TMEM232: variants seen among roughly 807,000 people sequenced by gnomAD.
TMEM232 encodes transmembrane protein 232.
In TMEM232, 80 loss-of-function variants were observed where a neutral mutation model predicts 78.8. The ratio of observed to expected loss-of-function variants is 1.01; its 90% CI spans 0.85 to 1.22. TMEM232 has a LOEUF of 1.22. Among genes scored for constraint, TMEM232 ranks in the 50% most tolerant of loss-of-function variants. The probability of loss-of-function intolerance (pLI) is 0.00; values close to 1 mark genes in which losing one functional copy is unlikely to be tolerated. For missense variants in TMEM232, 881 were observed against 742.2 expected (o/e 1.19, Z -2.17); for synonymous variants, 297 against 254.3 (o/e 1.17, Z -1.60).
downstream of TMEM232, among the ~76,000 whole-genome samples, chr5:110,415,937 C>G (rs564737038): frequency 5.3e-5 from 8 of 152,026 alleles, no homozygotes; most frequent in South Asian, 1.7e-3. Flanking sequence ...CAGGGATCTT[C>G]CAACTAAAAA....
intron 12 of TMEM232, among the ~76,000 whole-genome samples, chr5:110,464,364 A>AAGAC (rs993789845): frequency 6.6e-6 from 1 of 152,204 alleles, no homozygotes; most frequent in Non-Finnish European, 1.5e-5. Flanking sequence ...TCAATGAATG[A>AAGAC]AGACACTGGG....
rs1332112071 is a variant in TMEM232, at chr5:110,495,709, C to T, written c.1703+32879G>A. 2.6e-5 allele frequency among the ~76,000 whole-genome samples: 4 copies of T among 151,732 alleles called. No individual in the cohort carries two copies. The East Asian group carries it at 5.8e-4, about 22-fold the overall frequency. ...ATTTTCTTTGACTCCAGGAAATAAA[C>T]ACAGACATTGCTGAGATACTATGAA... is the stretch of plus-strand genomic sequence containing the variant. On this transcript the variant is annotated intron_variant, in intron 12 of 13. Coordinates refer to ENST00000455884, the MANE Select transcript of TMEM232 (RefSeq NM_001039763.4).
chr5:110,489,985 G>A (rs1450868246), intron 12 of TMEM232, among the ~76,000 whole-genome samples: 2 of 151,854 alleles, frequency 1.3e-5, no homozygotes, highest in Admixed American at 1.3e-4. Context: ...TTAGCTGGGT[G>A]TGGTGGCGCG....
At chr5:110,556,201 C>T (rs963430176) in intron 11 of TMEM232, among the ~76,000 whole-genome samples, 1 of 152,004 alleles carries the variant, frequency 6.6e-6, no homozygotes, top group Non-Finnish European at 1.5e-5. Flanking sequence ...CCTTAGTATT[C>T]GCTTGTTTGA....
At chr5:110,475,249 T>A (rs955814455) in intron 12 of TMEM232, among the ~76,000 whole-genome samples, 3 of 151,538 alleles carry the variant, frequency 2.0e-5, no homozygotes, top group Non-Finnish European at 2.9e-5. Flanking sequence ...AAAGCCTGTA[T>A]TTTTTTTCTG....
At position 110,528,795 on chromosome 5, in the gene TMEM232, C is replaced by A; in HGVS notation, c.1496G>T (p.Ser499Ile). Residue 499 changes from serine (S) to isoleucine (I), a missense_variant, in exon 12 of 14, where the codon AGT (serine) becomes ATT (isoleucine). Coordinates refer to ENST00000455884, the MANE Select transcript of TMEM232 (RefSeq NM_001039763.4). The part of the protein sequence containing the change: ...NDPTDPFTRY[S>I]TNISSNVGEE... ...TCCTACATTTGATGAAATATTTGTACTATATCTAGTGAAAGGATCAGTTGG... is the reference window on the plus strand; with the variant it reads ...TCCTACATTTGATGAAATATTTGTAATATATCTAGTGAAAGGATCAGTTGG... 2 of 1,526,894 alleles carry A rather than the reference C, an allele frequency of 1.3e-6. No individual in the cohort carries two copies. The highest frequency in any genetic ancestry group is 8.8e-7 in the Non-Finnish European group (1 of 1,142,506). 94.6% of individuals were successfully genotyped at this position (1,526,894 alleles called of 1,614,324 possible). A position where few individuals can be genotyped will look rare whatever the true frequency, so the allele number is the denominator to read the frequency against.
chr5:110,541,515 AG>A (rs1250046962), intron 11 of TMEM232, among the ~76,000 whole-genome samples: 3 of 152,122 alleles, frequency 2.0e-5, no homozygotes, highest in Admixed American at 2.0e-4. Flanking sequence ...AAAGTGATAA[AG>A]GCATGTCCTT....
intron 11 of TMEM232, among the ~76,000 whole-genome samples, chr5:110,566,949 A>G (rs1450658651): frequency 6.6e-6 from 1 of 151,956 alleles, no homozygotes; most frequent in Non-Finnish European, 1.5e-5. Flanking sequence ...AGGCCACAAA[A>G]TCATGGTGGA....
chr5:110,705,763 C>CGT (rs139138961), intron 1 of TMEM232, among the ~76,000 whole-genome samples: 9,316 of 125,388 alleles, frequency 0.074, 944 homozygotes, highest in African/African-American at 0.24. Flanking sequence ...TATGTGTGTG[C>CGT]GTGTGTGTGT....
chr5:110,492,899 T>C (rs1765265107), intron 12 of TMEM232, among the ~76,000 whole-genome samples: 1 of 152,012 alleles, frequency 6.6e-6, no homozygotes, highest in South Asian at 2.1e-4. Flanking sequence ...TGATATAATG[T>C]CAGGGATTTA....
At chr5:110,696,500 A>G (rs1415651465) in intron 1 of TMEM232, among the ~76,000 whole-genome samples, 1 of 152,200 alleles carries the variant, frequency 6.6e-6, no homozygotes, top group Non-Finnish European at 1.5e-5. Flanking sequence ...TTAGGAAAAA[A>G]GGAAGTCAAA....
intron 2 of TMEM232, among the ~76,000 whole-genome samples, chr5:110,413,720 C>T (rs755075161): frequency 6.6e-6 from 1 of 152,170 alleles, no homozygotes; most frequent in Non-Finnish European, 1.5e-5. Flanking sequence ...TATGTAACTC[C>T]TCAAATCTCA....
chr5:110,652,289 C>CGT lies in TMEM232; in HGVS notation c.126-9919_126-9918insAC, dbSNP rs1256712711. On this transcript the variant is annotated intron_variant, in intron 2 of 13. Transcript: ENST00000455884. ...ACCCCCAAGCACACAAAAGTGCACG[C>CGT]GCGCGCACACACACACACACACACA... Among the ~76,000 whole-genome samples, 36 of 135,150 alleles carry CGT rather than the reference C, an allele frequency of 2.7e-4. 1 individual carries two copies. Among genetic ancestry groups the CGT allele is most frequent in the Non-Finnish European group, 3.4e-4 (22 of 64,772 alleles). 88.7% of individuals were successfully genotyped at this position (135,150 alleles called of 152,430 possible). A position where few individuals can be genotyped will look rare whatever the true frequency, so the allele number is the denominator to read the frequency against.
chr5:110,613,145 C>T (rs1028512517), intron 8 of TMEM232, among the ~76,000 whole-genome samples: 1 of 152,108 alleles, frequency 6.6e-6, no homozygotes, highest in African/African-American at 2.4e-5. Context: ...TGTCCCCCAG[C>T]GAGGCTGCTC....
intron 12 of TMEM232, among the ~76,000 whole-genome samples, chr5:110,430,831 A>T (rs1375859503): frequency 4.6e-5 from 7 of 151,824 alleles, no homozygotes; most frequent in Non-Finnish European, 1.0e-4. Context: ...ATGAGAGCCA[A>T]AGATTATTTT....
At chr5:110,510,312 G>A (rs559356717) in intron 12 of TMEM232, among the ~76,000 whole-genome samples, 2 of 152,244 alleles carry the variant, frequency 1.3e-5, no homozygotes, top group African/African-American at 2.4e-5. Flanking sequence ...ACTCTGCCTT[G>A]TCCTCTTCCA....
At chr5:110,525,293 A>C (rs1315018504) in intron 12 of TMEM232, among the ~76,000 whole-genome samples, 1 of 152,000 alleles carries the variant, frequency 6.6e-6, no homozygotes, top group African/African-American at 2.4e-5. Context: ...TAAATTATTT[A>C]TATCTGACAG....
At chr5:110,488,200 T>C (rs762218330) in intron 12 of TMEM232, among the ~76,000 whole-genome samples, 7 of 152,134 alleles carry the variant, frequency 4.6e-5, no homozygotes, top group Non-Finnish European at 8.8e-5. Flanking sequence ...CGTTTTAATA[T>C]CTCCTGTTTT....
chr5:110,690,458 A>C (rs558854039), intron 1 of TMEM232, among the ~76,000 whole-genome samples: 5 of 152,338 alleles, frequency 3.3e-5, no homozygotes, highest in African/African-American at 1.2e-4. Flanking sequence ...GGCGATCATT[A>C]AAAAGTCAGG....
Sources: gnomAD v4.1 joint callset for allele counts (sites outside exome capture counted in the v4.1 genomes callset) on GRCh38, gnomAD v4.1.1 for gene constraint, MANE v1.5 for transcripts, NCBI Gene and HGNC (gene_info 2026-07-23, HGNC 2026-07-21) for gene names.